The following IL16 variants were observed in gnomAD, a reference collection of about 807,000 sequenced individuals.
IL16 encodes the protein pro-interleukin-16.
In IL16, 67 loss-of-function variants were observed where a neutral mutation model predicts 110.1. The ratio of observed to expected loss-of-function variants is 0.61; its 90% CI spans 0.50 to 0.75. The LOEUF (loss-of-function observed/expected upper bound fraction) is 0.75, where lower values mean the gene tolerates loss of function less well. IL16 is among the 30% of genes least tolerant of loss of function. The probability of loss-of-function intolerance (pLI) is 0.00; values close to 1 mark genes in which losing one functional copy is unlikely to be tolerated. For missense variants in IL16, 1,545 were observed against 1,655.0 expected, an observed-to-expected ratio of 0.93 and a Z score of 1.15; for synonymous variants, 689 against 662.9, an observed-to-expected ratio of 1.04 and a Z score of -0.61.
At chr15:81,185,736 C>CT (rs1895410193) in intron 1 of IL16, among the ~76,000 whole-genome samples, 1 of 152,168 alleles carries the variant, frequency 6.6e-6, no homozygotes, top group South Asian at 2.1e-4. Flanking sequence ...CTATGGGAGG[C>CT]TGTAACAGGG....
At chr15:81,245,209 T>A (rs377046218) in intron 2 of IL16, among the ~76,000 whole-genome samples, 2 of 152,322 alleles carry the variant, frequency 1.3e-5, no homozygotes, top group African/African-American at 4.8e-5. Context: ...TTGGTATGAT[T>A]AGTAATTTTC....
chr15:81,265,157 A>G (rs115791073), intron 3 of IL16, among the ~76,000 whole-genome samples: 232 of 152,302 alleles, frequency 1.5e-3, no homozygotes, highest in African/African-American at 5.3e-3. Flanking sequence ...AAGAATCAAG[A>G]GTTGTCTCCG....
chr15:81,295,085 T>TA (rs1899921622), intron 12 of IL16, among the ~76,000 whole-genome samples: 1 of 152,114 alleles, frequency 6.6e-6, no homozygotes, highest in Non-Finnish European at 1.5e-5. Flanking sequence ...ATCCCTCTTA[T>TA]AAAAAATCAG....
At chr15:81,245,289 C>G (rs986980440) in intron 2 of IL16, among the ~76,000 whole-genome samples, 59 of 152,088 alleles carry the variant, frequency 3.9e-4, no homozygotes, top group Non-Finnish European at 2.5e-4. Flanking sequence ...ATTTTAGCTG[C>G]CTTTGACATT....
chr15:81,259,121 TAAATA>T (rs1898061241), intron 2 of IL16, among the ~76,000 whole-genome samples: 1 of 152,182 alleles, frequency 6.6e-6, no homozygotes, highest in African/African-American at 2.4e-5. Flanking sequence ...AGCCCTAAAT[TAAATA>T]TTTGCATATA....
chr15:81,255,641 G>C (rs1897918491), intron 2 of IL16, among the ~76,000 whole-genome samples: 1 of 152,240 alleles, frequency 6.6e-6, no homozygotes, highest in African/African-American at 2.4e-5. Flanking sequence ...GAAATGTGGA[G>C]AACTGAGGGG....
rs1442868485 is a variant in IL16, at chr15:81,300,127, TC to T, written c.2807del (p.Pro936LeufsTer7). The T allele has an allele frequency of 2.5e-6, 4 of 1,599,640 alleles. No individual in the cohort carries two copies. Among genetic ancestry groups the T allele is most frequent in the African/African-American group, 1.3e-5 (1 of 74,190 alleles). ...GGGCGGCAGCCCAATCAGAAAACTC[TC>T]CCCCCTGGCCCGGACCCGCTCCTAA... ...PPGRQPNQKTLPPGPDPLLRL... is the reference protein window; with the variant it reads ...PPGRQPNQKTXPPGPDPLLRL... On this transcript the variant is annotated frameshift_variant, in exon 14 of 19. Coordinates refer to ENST00000683961, the MANE Select transcript of IL16 (RefSeq NM_172217.5). LOFTEE classifies it high-confidence loss of function.
intron 13 of IL16, 54 bp from the exon 14 acceptor site, chr15:81,299,326 G>T (rs748496678): frequency 4.4e-6 from 7 of 1,602,334 alleles, no homozygotes; most frequent in Non-Finnish European, 5.1e-6. Context: ...AATTTAGGAA[G>T]AAAAGTCACT....
At position 81,269,954 on chromosome 15, in the gene IL16, C is replaced by T. The variant is rs554166948; in HGVS notation, c.675+306C>T. Reference sequence around the variant, plus strand: ...AGTAGTTTCCAGGACTTAATTTTACCTGATACATAAATCCAAATTGTTTAC... The same window carrying T: ...AGTAGTTTCCAGGACTTAATTTTACTTGATACATAAATCCAAATTGTTTAC... On this transcript the variant is annotated intron_variant, in intron 5 of 18. Coordinates refer to ENST00000683961, the MANE Select transcript of IL16 (RefSeq NM_172217.5). Among the ~76,000 whole-genome samples the T allele has an allele frequency of 7.2e-5, 11 of 152,296 alleles. No homozygotes were observed. The South Asian group carries it at 2.1e-3, about 29-fold the overall frequency.
At chr15:81,225,228 C>T (rs955647189) in intron 1 of IL16, 71 bp from the exon 2 acceptor site, 119 of 1,304,242 alleles carry the variant, frequency 9.1e-5, no homozygotes, top group Non-Finnish European at 1.2e-4. Context: ...GGCTCAGATC[C>T]AGGACTCGTG....
rs1169857181 is a variant in IL16, at chr15:81,279,602, G to C, written c.909G>C (p.Leu303=). The change falls in exon 8 of 19, where the codon CTG becomes CTC. Residue 303 remains leucine (L), a synonymous_variant. Transcript: ENST00000683961. ...TCACCCTCACCGTGAGAACCCGCCT[G>C]ACGGCGCCTCCTTCCCTGTGCAGCC... is the stretch of plus-strand genomic sequence containing the variant. ...GLLTLTVRTR[L]TAPPSLCSHL... 2 of 1,613,854 alleles carry C rather than the reference G, an allele frequency of 1.2e-6. No individual in the cohort carries two copies. Among genetic ancestry groups the C allele is most frequent in the South Asian group, 1.1e-5 (1 of 91,084 alleles).
intron 1 of IL16, chr15:81,188,440 G>A (rs1166191416): frequency 2.2e-6 from 1 of 456,124 alleles, no homozygotes; most frequent in Non-Finnish European, 4.4e-6. Flanking sequence ...CAGGCAGTGA[G>A]AGCGTTCTGT....
chr15:81,258,021 CACAG>C (rs1355858635), intron 2 of IL16, among the ~76,000 whole-genome samples: 1 of 152,132 alleles, frequency 6.6e-6, no homozygotes, highest in Non-Finnish European at 1.5e-5. Context: ...TGTACACACA[CACAG>C]AGCATGTGCA....
chr15:81,295,581 A>G, intron 12 of IL16: 2 of 1,106,160 alleles, frequency 1.8e-6, no homozygotes, highest in South Asian at 2.6e-5. Flanking sequence ...AGAGATCATC[A>G]GGCCAATATT....
intron 1 of IL16, among the ~76,000 whole-genome samples, chr15:81,185,295 T>C (rs1156735786): frequency 1.3e-5 from 2 of 152,186 alleles, no homozygotes; most frequent in Non-Finnish European, 2.9e-5. Context: ...CTTTTCAATA[T>C]ACAAAGAGTG....
At chr15:81,219,510 C>CA (rs1311596834) in intron 1 of IL16, among the ~76,000 whole-genome samples, 2 of 152,120 alleles carry the variant, frequency 1.3e-5, no homozygotes, top group Non-Finnish European at 2.9e-5. Flanking sequence ...TCCTGTGCCC[C>CA]AGGGGCCTGG....
At chr15:81,183,634 G>C (rs1169850994) in intron 1 of IL16, among the ~76,000 whole-genome samples, 1 of 152,166 alleles carries the variant, frequency 6.6e-6, no homozygotes, top group Non-Finnish European at 1.5e-5. Context: ...CAAGTCAAAG[G>C]CATATTCTGA....
At chr15:81,214,193 A>G (rs1201635542) in intron 1 of IL16, among the ~76,000 whole-genome samples, 1 of 152,014 alleles carries the variant, frequency 6.6e-6, no homozygotes, top group Non-Finnish European at 1.5e-5. Context: ...TATGAAACCT[A>G]GTTTGCTTTA....
chr15:81,220,403 C>G (rs992570475), intron 1 of IL16, among the ~76,000 whole-genome samples: 1 of 152,194 alleles, frequency 6.6e-6, no homozygotes, highest in African/African-American at 2.4e-5. Context: ...AAATCACCCA[C>G]CTCGGCATCC....
Sources: gnomAD v4.1 joint callset for allele counts (sites outside exome capture counted in the v4.1 genomes callset) on GRCh38, gnomAD v4.1.1 for gene constraint, MANE v1.5 for transcripts, NCBI Gene and HGNC (gene_info 2026-07-23, HGNC 2026-07-21) for gene names.